Variants in UNC13C observed in about 807,000 individuals in gnomAD.
The protein encoded by UNC13C is unc-13 homolog C, also known as protein unc-13 homolog C.
A neutral mutation model predicts 245.4 loss-of-function variants in UNC13C; 174 were observed. The observed-to-expected ratio is 0.71, with a 90% CI of 0.63 to 0.80. UNC13C has a LOEUF of 0.80. Ranked by LOEUF, UNC13C falls within the 30% of genes least tolerant of loss-of-function variation. UNC13C has a pLI of 0.00. For synonymous variants in UNC13C, 992 were observed against 895.1 expected (o/e 1.11, Z -1.93); for missense variants, 2,829 against 2,602.9 (o/e 1.09, Z -1.89).
intron 26 of UNC13C, among the ~76,000 whole-genome samples, chr15:54,541,670 G>A (rs1380133004): frequency 6.6e-6 from 1 of 152,030 alleles, no homozygotes; most frequent in East Asian, 1.9e-4. Flanking sequence ...CTCTGTGCCT[G>A]TTTTTGAGTT....
Position 54,172,749 on chromosome 15 carries a change from T to A in UNC13C, c.3071+29065T>A, listed in dbSNP as rs1385277149. Among the ~76,000 whole-genome samples, 5 of 89,302 alleles carry A rather than the reference T, an allele frequency of 5.6e-5. 1 individual carries two copies. Among genetic ancestry groups the A allele is most frequent in the Admixed American group, 4.8e-4 (4 of 8,284 alleles). The allele number at this position is 89,302 out of a possible 152,430, so 58.6% of individuals were successfully genotyped here. A position where few individuals can be genotyped will look rare whatever the true frequency, so the allele number is the denominator to read the frequency against. On this transcript the variant is annotated intron_variant, in intron 4 of 32. Coordinates refer to ENST00000260323, the MANE Select transcript of UNC13C (RefSeq NM_001080534.3). ...ATATATATATATATATATATATATA[T>A]ATATATATATATCTTTACTCTATAG...
the UNC13C span, among the ~76,000 whole-genome samples, chr15:53,903,592 C>T: frequency 1.1e-4 from 17 of 152,152 alleles, no homozygotes; most frequent in East Asian, 5.8e-4. Flanking sequence ...ATCAACAGAG[C>T]GAGAATTCCC....
intron 13 of UNC13C, among the ~76,000 whole-genome samples, chr15:54,305,341 C>G (rs569853416): frequency 2.0e-5 from 3 of 152,004 alleles, no homozygotes; most frequent in Non-Finnish European, 4.4e-5. Context: ...ATTGATTGAT[C>G]GTTTTTAAAA....
At chr15:54,508,304 T>G (rs1017960121) in intron 23 of UNC13C, among the ~76,000 whole-genome samples, 3 of 152,068 alleles carry the variant, frequency 2.0e-5, no homozygotes, top group Middle Eastern at 3.2e-3. Context: ...AAATTGAAGA[T>G]TTTGAAAGGT....
chr15:54,411,296 G>C (rs514996), intron 18 of UNC13C, among the ~76,000 whole-genome samples: 150,911 of 152,286 alleles, frequency 0.99, 74,791 homozygotes, highest in African/African-American at 1. Flanking sequence ...TGTGGCTTAT[G>C]TTTTTGTTTT....
the UNC13C span, among the ~76,000 whole-genome samples, chr15:53,892,485 C>A: frequency 6.6e-6 from 1 of 152,172 alleles, no homozygotes; most frequent in Non-Finnish European, 1.5e-5. Context: ...AGCTTGGTTC[C>A]ATTTTCCCTG....
chr15:54,330,460 C>G (rs1280361141), intron 14 of UNC13C, among the ~76,000 whole-genome samples: 1 of 151,974 alleles, frequency 6.6e-6, no homozygotes, highest in African/African-American at 2.4e-5. Context: ...CAGACAACCA[C>G]CACCATTTGC....
intron 29 of UNC13C, among the ~76,000 whole-genome samples, chr15:54,556,588 T>C (rs921164988): frequency 6.6e-5 from 10 of 151,532 alleles, no homozygotes; most frequent in Non-Finnish European, 1.2e-4. Context: ...ATATGGAAAA[T>C]TTGCAAAATA....
chr15:54,060,373 A>G (rs920209100), intron 2 of UNC13C, among the ~76,000 whole-genome samples: 29 of 152,146 alleles, frequency 1.9e-4, no homozygotes, highest in Non-Finnish European at 3.5e-4. Context: ...AAAAATGCTC[A>G]TCATCACTGG....
At chr15:54,056,171 G>T (rs955415413) in intron 2 of UNC13C, among the ~76,000 whole-genome samples, 1 of 152,144 alleles carries the variant, frequency 6.6e-6, no homozygotes, top group African/African-American at 2.4e-5. Context: ...CGAGCTAAAG[G>T]AGGAAGTTTG....
intron 3 of UNC13C, 66 bp from the exon 4 acceptor site, chr15:54,143,554 G>A (rs532307400): frequency 6.4e-5 from 87 of 1,351,384 alleles, no homozygotes; most frequent in South Asian, 2.0e-4. Flanking sequence ...TCCCGATTTC[G>A]TGTACATAAA....
At chr15:54,495,032 A>ATT (rs1157836858) in intron 20 of UNC13C, among the ~76,000 whole-genome samples, 1 of 151,946 alleles carries the variant, frequency 6.6e-6, no homozygotes, top group Non-Finnish European at 1.5e-5. Flanking sequence ...CAGAACACAG[A>ATT]TTTTTTTGGG....
At chr15:54,041,228 T>C (rs1192429775) in intron 2 of UNC13C, among the ~76,000 whole-genome samples, 2 of 152,226 alleles carry the variant, frequency 1.3e-5, no homozygotes, top group Non-Finnish European at 2.9e-5. Context: ...GTCACAAATA[T>C]TTCCCATATC....
intron 26 of UNC13C, among the ~76,000 whole-genome samples, chr15:54,546,334 G>C (rs540959896): frequency 6.6e-6 from 1 of 152,284 alleles, no homozygotes; most frequent in East Asian, 1.9e-4. Context: ...TGGAGGGCTG[G>C]GTGAGGGATA....
intron 30 of UNC13C, among the ~76,000 whole-genome samples, chr15:54,607,823 G>A (rs140957086): frequency 2.3e-4 from 35 of 152,222 alleles, no homozygotes; most frequent in Admixed American, 3.9e-4. Context: ...GAAAGGCAAG[G>A]GGGAAATTTG....
At chr15:54,348,002 G>A (rs1400957168) in intron 17 of UNC13C, among the ~76,000 whole-genome samples, 1 of 152,020 alleles carries the variant, frequency 6.6e-6, no homozygotes, top group Non-Finnish European at 1.5e-5. Flanking sequence ...TATTATTGTT[G>A]TATATACTAA....
chr15:54,252,200 T>G (rs2036168874), intron 8 of UNC13C, among the ~76,000 whole-genome samples: 1 of 152,108 alleles, frequency 6.6e-6, no homozygotes, highest in Non-Finnish European at 1.5e-5. Context: ...TTAAATTCCT[T>G]AGAGAAAAAA....
At chr15:54,133,235 G>C (rs1266200277) in intron 2 of UNC13C, among the ~76,000 whole-genome samples, 3 of 152,106 alleles carry the variant, frequency 2.0e-5, no homozygotes, top group Non-Finnish European at 4.4e-5. Flanking sequence ...TTAGGGAGAT[G>C]ACATGTTTCC....
At chr15:53,946,783 G>A in the UNC13C span, among the ~76,000 whole-genome samples, 1 of 144,354 alleles carries the variant, frequency 6.9e-6, no homozygotes, top group African/African-American at 2.6e-5. Flanking sequence ...TTCTGCTTAT[G>A]TAATGAATCA....
Sources: allele counts gnomAD v4.1 joint callset (sites outside exome capture counted in the v4.1 genomes callset), GRCh38; gene constraint gnomAD v4.1.1; transcripts MANE v1.5; gene names NCBI Gene and HGNC (gene_info 2026-07-23, HGNC 2026-07-21).